The following MYO18B variants were observed in gnomAD, a reference collection of about 807,000 sequenced individuals.
MYO18B encodes the protein unconventional myosin-XVIIIb.
MYO18B carries 204 observed loss-of-function variants against 273.0 expected under a neutral mutation model. The observed-to-expected ratio is 0.75, with a 90% CI of 0.67 to 0.84. The LOEUF is 0.84. Ranked by LOEUF, MYO18B falls within the 40% of genes least tolerant of loss-of-function variation. The probability of loss-of-function intolerance (pLI) is 0.00; values close to 1 mark genes in which losing one functional copy is unlikely to be tolerated. For synonymous variants in MYO18B, 1,330 were observed against 1,305.7 expected (o/e 1.02, Z -0.40); for missense variants, 3,212 against 3,287.6 (o/e 0.98, Z 0.56).
chr22:25,756,683 A>G (rs762312756), intron 1 of MYO18B: 2 of 152,274 alleles, frequency 1.3e-5, no homozygotes, highest in Non-Finnish European at 2.9e-5. Context: ...AGGATGTGAA[A>G]CTGCCTAAGC....
Position 25,769,128 on chromosome 22 carries a change from C to G in MYO18B, c.1212C>G (p.Asn404Lys). 1 of 1,613,570 alleles carries G rather than the reference C, an allele frequency of 6.2e-7. No individual in the cohort carries two copies. The highest frequency in any genetic ancestry group is 8.5e-7 in the Non-Finnish European group (1 of 1,179,758). ...GGCAACCCCAGGGTAAGTCCGGGAA[C>G]GCAGGTGAAGCTCGGAGTCAGACAG... ...KMGQPQGKSG[N>K]AGEARSQTEK... Residue 404 changes from asparagine to lysine, a missense_variant, in exon 4 of 44, where the codon AAC (asparagine) becomes AAG (lysine). Asn to Lys is a moderately conservative substitution (Grantham distance 94). Transcript: ENST00000335473.
intron 32 of MYO18B, 56 bp from the exon 33 acceptor site, chr22:25,910,890 A>T (rs886444502): frequency 2.2e-6 from 3 of 1,378,482 alleles, no homozygotes; most frequent in South Asian, 1.2e-5. Context: ...GCCTTGTAGG[A>T]TGTGTCTGGA....
intron 2 of MYO18B, 62 bp from the exon 3 acceptor site, chr22:25,763,169 G>A (rs2086385753): frequency 6.3e-6 from 10 of 1,587,550 alleles, no homozygotes; most frequent in African/African-American, 2.7e-5. Context: ...AAACTTTGAA[G>A]GGCAGCTTGC....
Position 25,828,842 on chromosome 22 carries a change from C to A in MYO18B, c.2853C>A (p.Asn951Lys), listed in dbSNP as rs769985379. ...TGGTGGACTCTCCAGGCTTCCAGAA[C>A]CCCCGGCACCAGGGCAAGGACCGGG... is the stretch of plus-strand genomic sequence containing the variant. ...IMVVDSPGFQNPRHQGKDRAA... is the reference protein window; with the variant it reads ...IMVVDSPGFQKPRHQGKDRAA... Residue 951 changes from asparagine (N) to lysine (K), a missense_variant, in exon 15 of 44, where the codon AAC (asparagine) becomes AAA (lysine). Transcript: ENST00000335473. The A allele has an allele frequency of 2.5e-6, 4 of 1,613,936 alleles. No homozygotes were observed. Among genetic ancestry groups the A allele is most frequent in the Non-Finnish European group, 3.4e-6 (4 of 1,179,892 alleles).
intron 21 of MYO18B, among the ~76,000 whole-genome samples, chr22:25,860,441 A>G (rs1229969194): frequency 1.7e-4 from 25 of 151,214 alleles, no homozygotes. Context: ...TCTTGCTCAA[A>G]TTATTGGTTC....
intron 21 of MYO18B, among the ~76,000 whole-genome samples, chr22:25,859,501 T>C (rs2090668397): frequency 6.6e-6 from 1 of 152,202 alleles, no homozygotes; most frequent in Admixed American, 6.5e-5. Flanking sequence ...TCACTGGCAA[T>C]GTGTGAGGGT....
At chr22:26,039,458 T>C in the MYO18B span, among the ~76,000 whole-genome samples, 1 of 152,140 alleles carries the variant, frequency 6.6e-6, no homozygotes, top group Non-Finnish European at 1.5e-5. Context: ...CATCCACTGG[T>C]CTTAAAGGCT....
Position 25,883,093 on chromosome 22 carries a change from CT to C in MYO18B, c.4314+5046del, listed in dbSNP as rs2091392363. ...TTTCAATTTTGGTAGAGATGGGGGT[CT>C]CACTTTGTTGCCCAGGTTGGTCTCC... On this transcript the variant is annotated intron_variant, in intron 25 of 43. Coordinates refer to ENST00000335473, the MANE Select transcript of MYO18B (RefSeq NM_032608.7). The surrounding 1 kb of genome is among the most constrained non-coding windows in gnomAD (Gnocchi z 7.6). Among the ~76,000 whole-genome samples, 2 of 152,010 alleles carry C rather than the reference CT, an allele frequency of 1.3e-5. No individual in the cohort carries two copies. The highest frequency in any genetic ancestry group is 4.2e-4 in the South Asian group (2 of 4,798).
intron 39 of MYO18B, among the ~76,000 whole-genome samples, chr22:25,982,245 A>G (rs2093156514): frequency 6.6e-6 from 1 of 152,128 alleles, no homozygotes; most frequent in African/African-American, 2.4e-5. Flanking sequence ...TCAGTGGGAG[A>G]TCCACGAGGC....
At chr22:26,048,800 A>G in the MYO18B span, among the ~76,000 whole-genome samples, 1 of 152,190 alleles carries the variant, frequency 6.6e-6, no homozygotes, top group Non-Finnish European at 1.5e-5. Context: ...TCCTTTGGGT[A>G]AACACCCAGT....
At chr22:26,021,841 C>A (rs1935845418) in intron 42 of MYO18B, among the ~76,000 whole-genome samples, 1 of 152,230 alleles carries the variant, frequency 6.6e-6, no homozygotes, top group South Asian at 2.1e-4. Context: ...CGTTTGCTCT[C>A]TCCTATATTC....
In MYO18B at chr22:25,938,617, C is replaced by T. The variant is rs77574144; in HGVS notation, c.5518-7520C>T. Among the ~76,000 whole-genome samples the T allele has an allele frequency of 9.2e-3, 1,404 of 152,306 alleles. 25 individuals are homozygous for T. The highest frequency in any genetic ancestry group is 0.031 in the African/African-American group (1,305 of 41,558). ...ATGAATTTTAAGTGGCCACGCAGTG[C>T]GTAATGTAGTGAGTGTTGAAGAAAT... On this transcript the variant is annotated intron_variant, in intron 34 of 43. Transcript: ENST00000335473.
At chr22:25,918,820 A>G (rs1169881717) in intron 33 of MYO18B, among the ~76,000 whole-genome samples, 1 of 152,242 alleles carries the variant, frequency 6.6e-6, no homozygotes, top group Non-Finnish European at 1.5e-5. Flanking sequence ...AAGCATACTC[A>G]TGAGTCTGGG....
At chr22:25,776,627 A>C (rs2086925539) in intron 7 of MYO18B, among the ~76,000 whole-genome samples, 1 of 151,550 alleles carries the variant, frequency 6.6e-6, no homozygotes, top group Non-Finnish European at 1.5e-5. Flanking sequence ...AAAACAAAAA[A>C]ACAACAGGTT....
At chr22:25,890,013 T>C (rs958350212) in intron 25 of MYO18B, among the ~76,000 whole-genome samples, 1 of 152,350 alleles carries the variant, frequency 6.6e-6, no homozygotes, top group East Asian at 1.9e-4. Flanking sequence ...ACTTCAAGTT[T>C]CTTTTTAGTT....
chr22:26,057,674 G>T, the MYO18B span, among the ~76,000 whole-genome samples: 1 of 152,118 alleles, frequency 6.6e-6, no homozygotes, highest in African/African-American at 2.4e-5. Flanking sequence ...CTTTTGCAAG[G>T]TTGGAGGCTT....
chr22:25,855,989 C>G (rs1382094097), intron 21 of MYO18B, among the ~76,000 whole-genome samples: 1 of 152,144 alleles, frequency 6.6e-6, no homozygotes, highest in Non-Finnish European at 1.5e-5. Flanking sequence ...TCACCCTCCT[C>G]CCACTCTTTA....
intron 39 of MYO18B, among the ~76,000 whole-genome samples, chr22:25,956,553 G>A (rs1258920675): frequency 6.6e-6 from 1 of 152,154 alleles, no homozygotes. Context: ...TGCCTAATGG[G>A]AAGGTTTCTC....
chr22:25,764,885 C>A (rs2086450149), intron 3 of MYO18B, among the ~76,000 whole-genome samples: 1 of 152,128 alleles, frequency 6.6e-6, no homozygotes, highest in Admixed American at 6.5e-5. Context: ...GAGACTGAGG[C>A]CAAAAGAGGT....
Sources: allele counts gnomAD v4.1 joint callset (sites outside exome capture counted in the v4.1 genomes callset), GRCh38; gene constraint gnomAD v4.1.1; non-coding constraint Gnocchi (gnomAD v3.1); transcripts MANE v1.5; gene names NCBI Gene and HGNC (gene_info 2026-07-23, HGNC 2026-07-21).